The following ZNF256 variants were observed in gnomAD, a reference collection of about 807,000 sequenced individuals.
ZNF256 encodes the protein zinc finger protein 256, also known as bone marrow zinc finger 3.
ZNF256 carries 4 observed loss-of-function variants against 7.9 expected under a neutral mutation model. The ratio of observed to expected loss-of-function variants is 0.50; its 90% CI spans 0.25 to 1.15. The LOEUF (loss-of-function observed/expected upper bound fraction) is 1.15. Among genes scored for constraint, ZNF256 ranks in the 50% most tolerant of loss-of-function variants. The probability of loss-of-function intolerance (pLI) is 0.15; values close to 1 mark genes in which losing one functional copy is unlikely to be tolerated. For missense variants in ZNF256, 666 were observed against 755.9 expected, an observed-to-expected ratio of 0.88 and a Z score of 1.39; for synonymous variants, 260 against 260.4, an observed-to-expected ratio of 1.00 and a Z score of 0.02.
intron 1 of ZNF256, among the ~76,000 whole-genome samples, chr19:57,945,914 A>G (rs2072763399): frequency 6.6e-6 from 1 of 152,174 alleles, no homozygotes; most frequent in African/African-American, 2.4e-5. Flanking sequence ...TGACCACATG[A>G]CACTAACTTA....
chr19:57,947,427 G>A lies in ZNF256; in HGVS notation c.33+15C>T. ...GTGGGGAGGGCGGGGAAGGCCCAGA[G>A]GACGCGGCACATACCTGGGCCGGGG... On this transcript the variant is annotated intron_variant, in intron 1 of 2. Transcript: ENST00000282308. 1.6e-6 allele frequency: 2 copies of A among 1,249,282 alleles called. No individual in the cohort carries two copies. Among genetic ancestry groups the A allele is most frequent in the Non-Finnish European group, 2.0e-6 (2 of 988,790 alleles). 77.4% of individuals were successfully genotyped at this position (1,249,282 alleles called of 1,614,324 possible).
In ZNF256 at chr19:57,942,667, G is replaced by A. The variant is rs746132735; in HGVS notation, c.161-20C>T. On this transcript the variant is annotated intron_variant, in intron 2 of 2. Transcript: ENST00000282308. ...AACCACCTGAAAGAAAGAAAATGCT[G>A]GTGAAGAGCATGCTGACTTTAGTGG... 3.1e-6 allele frequency: 5 copies of A among 1,605,344 alleles called. No homozygotes were observed. The South Asian group carries it at 4.4e-5, about 14-fold the overall frequency.
At chr19:57,947,322 G>A (rs1203614483) in intron 1 of ZNF256, 120 bp downstream of exon 1, 18 of 1,034,414 alleles carry the variant, frequency 1.7e-5, no homozygotes, top group Non-Finnish European at 2.3e-5. Context: ...TTGGAAACGG[G>A]AGCCCCTCCG....
rs193083741 is a variant in ZNF256, at chr19:57,943,822, C to G, written c.160+112G>C. 3.5e-6 allele frequency: 5 copies of G among 1,434,538 alleles called. No homozygotes were observed. In the Admixed American group the frequency reaches 6.6e-5, roughly 19 times the overall value. The allele number at this position is 1,434,538 out of a possible 1,614,324, so 88.9% of individuals were successfully genotyped here. On this transcript the variant is annotated intron_variant, in intron 2 of 2. Coordinates refer to ENST00000282308, the MANE Select transcript of ZNF256 (RefSeq NM_005773.3). ...TAGCCCTACCAACCGCAGCACCTGC[C>G]CAGGAACAGGAAGCTGTGTCAATAG...
At position 57,941,083 on chromosome 19, in the gene ZNF256, A is replaced by C; in HGVS notation, c.1725T>G (p.Tyr575Ter). 6.2e-7 allele frequency: 1 copy of C among 1,614,174 alleles called. No homozygotes were observed. Among genetic ancestry groups the C allele is most frequent in the Non-Finnish European group, 8.5e-7 (1 of 1,180,018 alleles). The change falls in exon 3 of 3, where the codon TAT (tyrosine) becomes TAG (stop). Residue 575 changes from tyrosine (Y) to a stop codon, truncating the protein, a stop_gained. Coordinates refer to ENST00000282308, the MANE Select transcript of ZNF256 (RefSeq NM_005773.3). LOFTEE classifies it low-confidence loss of function (END_TRUNC). The part of the protein sequence containing the change: ...HRRVHTGERP[Y>*]ECSECGKSFS... ...AGGATTTTCCACATTCACTGCATTC[A>C]TAAGGCCTTTCTCCGGTATGAACTC...
Position 57,941,782 on chromosome 19 carries a change from C to T in ZNF256, c.1026G>A (p.Gln342=), listed in dbSNP as rs781713511. The part of the protein sequence containing the change: ...FSHSSSLITH[Q]RIHTGMRPYE... The stretch of plus-strand genomic sequence containing the variant: ...AAGGCCTCATTCCAGTATGAATTCT[C>T]TGGTGTGTAATGAGGCTAGAGCTAT... The change falls in exon 3 of 3, where the codon CAG becomes CAA. Residue 342 remains glutamine (Q), a synonymous_variant. Coordinates refer to ENST00000282308, the MANE Select transcript of ZNF256 (RefSeq NM_005773.3). 1 of 1,614,076 alleles carries T rather than the reference C, an allele frequency of 6.2e-7. No individual in the cohort carries two copies. Among genetic ancestry groups the T allele is most frequent in the Non-Finnish European group, 8.5e-7 (1 of 1,179,964 alleles).
rs1393734914 is a variant in ZNF256, at chr19:57,941,749, G to A, written c.1059C>T (p.Cys353=). 2 of 1,613,866 alleles carry A rather than the reference G, an allele frequency of 1.2e-6. No homozygotes were observed. The highest frequency in any genetic ancestry group is 1.3e-5 in the African/African-American group (1 of 74,926). The change falls in exon 3 of 3, where the codon TGC becomes TGT. Residue 353 remains cysteine, a synonymous_variant. Coordinates refer to ENST00000282308, the MANE Select transcript of ZNF256 (RefSeq NM_005773.3). Reference sequence around the variant, plus strand: ...GGATAAAAGATTTCCCACATTCACTGCACTCATAAGGCCTCATTCCAGTAT... The same window carrying A: ...GGATAAAAGATTTCCCACATTCACTACACTCATAAGGCCTCATTCCAGTAT... ...RIHTGMRPYE[C]SECGKSFIHS... is the part of the protein sequence containing the mutation.
chr19:57,942,357 C>A lies in ZNF256; in HGVS notation c.451G>T (p.Gly151Cys), dbSNP rs2072736262. The A allele has an allele frequency of 6.2e-7, 1 of 1,614,060 alleles. No homozygotes were observed. The change falls in exon 3 of 3, where the codon GGC becomes TGC. Residue 151 changes from glycine to cysteine, a missense_variant. Gly to Cys is a radical substitution (Grantham distance 159, BLOSUM62 -3). Coordinates refer to ENST00000282308, the MANE Select transcript of ZNF256 (RefSeq NM_005773.3). The stretch of plus-strand genomic sequence containing the variant: ...CAGCTGCTCAAAAACATGTCTCTGC[C>A]CCCATTGCTTCTGAAGTGTTTCTGT... ...VGQKHFRSNG[G>C]RDMFLSSCTF...
intron 1 of ZNF256, 98 bp downstream of exon 1, chr19:57,947,344 T>G: frequency 8.6e-7 from 1 of 1,161,672 alleles, no homozygotes; most frequent in Non-Finnish European, 1.1e-6. Context: ...CGAGCCCCCG[T>G]GTCCTGTCCT....
At position 57,940,876 on chromosome 19, in the gene ZNF256, C is replaced by T; in HGVS notation, c.*48G>A. Reference sequence around the variant, plus strand: ...TATTTATTTATGTCTGTGAATTTTGCAGGGACACTTCTCAGTCCGTAACAG... The same window carrying T: ...TATTTATTTATGTCTGTGAATTTTGTAGGGACACTTCTCAGTCCGTAACAG... On this transcript the variant is annotated 3_prime_UTR_variant, in exon 3 of 3. Coordinates refer to ENST00000282308, the MANE Select transcript of ZNF256 (RefSeq NM_005773.3). 6.6e-7 allele frequency: 1 copy of T among 1,517,916 alleles called. No individual in the cohort carries two copies. Among genetic ancestry groups the T allele is most frequent in the East Asian group, 2.3e-5 (1 of 43,896 alleles). The allele number at this position is 1,517,916 out of a possible 1,614,324, so 94.0% of individuals were successfully genotyped here. A position where few individuals can be genotyped will look rare whatever the true frequency, so the allele number is the denominator to read the frequency against.
At chr19:57,942,752 G>C in intron 2 of ZNF256, 105 bp from the exon 3 acceptor site, 1 of 1,386,310 alleles carries the variant, frequency 7.2e-7, no homozygotes, top group Non-Finnish European at 9.8e-7. Context: ...AGTCCATGGG[G>C]TTGTTTTCAG....
In ZNF256 at chr19:57,942,269, C is replaced by G; in HGVS notation, c.539G>C (p.Arg180Thr). The change falls in exon 3 of 3, where the codon AGA becomes ACA. Residue 180 changes from arginine (R) to threonine (T), a missense_variant. Transcript: ENST00000282308. ...AGCCTGTTGCTGAAGAAATCTTGATCTCACCAGGAAATCCTTCCCAACCTC... is the reference window on the plus strand; with the variant it reads ...AGCCTGTTGCTGAAGAAATCTTGATGTCACCAGGAAATCCTTCCCAACCTC... ...CKEVGKDFLVRSRFLQQQAAH... is the reference protein window; with the variant it reads ...CKEVGKDFLVTSRFLQQQAAH... The G allele has an allele frequency of 1.2e-6, 2 of 1,614,230 alleles. No individual in the cohort carries two copies.
At position 57,942,072 on chromosome 19, in the gene ZNF256, T is replaced by C. The variant is rs144656057; in HGVS notation, c.736A>G (p.Lys246Glu). Residue 246 changes from lysine to glutamate, a missense_variant, in exon 3 of 3, where the codon AAA becomes GAA. Physicochemically the swap from Lys to Glu is moderately conservative, Grantham distance 56. Transcript: ENST00000282308. The part of the protein sequence containing the change: ...ERSYMCSECG[K>E]SFSTSCSLSD... ...AGGCTACAGCTTGTGCTAAAAGATT[T>C]CCCACATTCACTGCACATGTAAGAT... 2.5e-5 allele frequency: 40 copies of C among 1,614,122 alleles called. No individual in the cohort carries two copies. Among genetic ancestry groups the C allele is most frequent in the Non-Finnish European group, 3.0e-5 (35 of 1,180,046 alleles).
intron 2 of ZNF256, among the ~76,000 whole-genome samples, chr19:57,942,964 C>T (rs1356365400): frequency 2.0e-5 from 3 of 152,156 alleles, no homozygotes; most frequent in Non-Finnish European, 4.4e-5. Flanking sequence ...GCATTGTGTA[C>T]AGGTATGTGT....
intron 1 of ZNF256, among the ~76,000 whole-genome samples, chr19:57,946,930 A>G (rs140343336): frequency 6.6e-6 from 1 of 152,146 alleles, no homozygotes; most frequent in African/African-American, 2.4e-5. Flanking sequence ...ACAACTCTAT[A>G]TACCGGCTAA....
At chr19:57,945,571 C>T (rs2072761276) in intron 1 of ZNF256, among the ~76,000 whole-genome samples, 1 of 152,194 alleles carries the variant, frequency 6.6e-6, no homozygotes, top group African/African-American at 2.4e-5. Flanking sequence ...GTCAAGGCGA[C>T]ATATCATACT....
intron 2 of ZNF256, 68 bp downstream of exon 2, chr19:57,943,866 T>C: frequency 6.3e-6 from 10 of 1,578,044 alleles, no homozygotes; most frequent in Non-Finnish European, 8.6e-6. Context: ...TGAAGACACA[T>C]CTGACTCTGG....
At chr19:57,945,784 T>C (rs907444451) in intron 1 of ZNF256, among the ~76,000 whole-genome samples, 9 of 152,186 alleles carry the variant, frequency 5.9e-5, no homozygotes, top group African/African-American at 1.9e-4. Context: ...CAGATAACCA[T>C]GGCCCTATTC....
intron 1 of ZNF256, among the ~76,000 whole-genome samples, chr19:57,946,517 C>A (rs901280213): frequency 1.3e-5 from 2 of 152,116 alleles, no homozygotes; most frequent in Admixed American, 1.3e-4. Flanking sequence ...ATTTAGTTGT[C>A]CCTTTTGAAA....
Sources: allele counts gnomAD v4.1 joint callset (sites outside exome capture counted in the v4.1 genomes callset), GRCh38; gene constraint gnomAD v4.1.1; transcripts MANE v1.5; gene names NCBI Gene and HGNC (gene_info 2026-07-23, HGNC 2026-07-21).